ATOH8: variants seen among roughly 807,000 people sequenced by gnomAD.
ATOH8 encodes the protein transcription factor ATOH8.
Under a neutral mutation model 21.2 loss-of-function variants are expected in ATOH8, and 9 were observed. That is an observed-to-expected ratio of 0.42 (90% CI 0.26 to 0.74). The LOEUF (loss-of-function observed/expected upper bound fraction) is 0.74. Among genes scored for constraint, ATOH8 ranks in the 30% least tolerant of loss-of-function variants. The pLI, the probability that ATOH8 is intolerant of heterozygous loss-of-function variation, is 0.24. For missense variants in ATOH8, 524 were observed against 470.9 expected, an observed-to-expected ratio of 1.11 and a Z score of -1.04; for synonymous variants, 253 against 224.0, an observed-to-expected ratio of 1.13 and a Z score of -1.16.
chr2:85,755,007 G>C, intron 1 of ATOH8, 50 bp downstream of exon 1: 1 of 1,523,866 alleles, frequency 6.6e-7, no homozygotes, highest in Non-Finnish European at 8.7e-7. Context: ...ACGACTGCGG[G>C]AATGGGTGGG....
At position 85,786,965 on chromosome 2, in the gene ATOH8, T is replaced by C; in HGVS notation, c.*75T>C. On this transcript the variant is annotated 3_prime_UTR_variant, in exon 3 of 3. Coordinates refer to ENST00000306279, the MANE Select transcript of ATOH8 (RefSeq NM_032827.7). ...AGGCCTGAGGACAAGGTGAGCTCGC[T>C]GAGTCCAGCCTCGTGGTCTTCTCCA... is the stretch of plus-strand genomic sequence containing the variant. 6.2e-7 allele frequency: 1 copy of C among 1,603,764 alleles called. No homozygotes were observed. Among genetic ancestry groups the C allele is most frequent in the Non-Finnish European group, 8.5e-7 (1 of 1,171,362 alleles).
intron 1 of ATOH8, among the ~76,000 whole-genome samples, chr2:85,761,226 G>A (rs1239392417): frequency 6.6e-6 from 1 of 152,216 alleles, no homozygotes; most frequent in Non-Finnish European, 1.5e-5. Flanking sequence ...GTGTCAGTCA[G>A]ATGAGTTTCA....
At chr2:85,783,863 C>G (rs571096532) in intron 2 of ATOH8, among the ~76,000 whole-genome samples, 3 of 152,058 alleles carry the variant, frequency 2.0e-5, no homozygotes, top group Admixed American at 2.0e-4. Context: ...CCCCGCCCCC[C>G]ACACACAGCC....
rs976970064 is a variant in ATOH8 at position 85,759,039 on chromosome 2, C to T, written c.768+4082C>T. Among the ~76,000 whole-genome samples, 37 of 152,202 alleles carry T rather than the reference C, an allele frequency of 2.4e-4. 1 individual carries two copies. Among genetic ancestry groups the T allele is most frequent in the African/African-American group, 8.0e-4 (33 of 41,458 alleles). Reference sequence around the variant, plus strand: ...AGCAATGGAAGACAGTGCGGGGCCCCGGCTTCTGCCGTGGTCCTCTCTACG... The same window carrying T: ...AGCAATGGAAGACAGTGCGGGGCCCTGGCTTCTGCCGTGGTCCTCTCTACG... On this transcript the variant is annotated intron_variant, in intron 1 of 2. Transcript: ENST00000306279.
At chr2:85,770,757 C>T (rs946229319) in intron 2 of ATOH8, among the ~76,000 whole-genome samples, 7 of 152,114 alleles carry the variant, frequency 4.6e-5, no homozygotes, top group Admixed American at 1.3e-4. Context: ...GCTGGGGTGC[C>T]GCTTCCTCCC....
In ATOH8 at chr2:85,771,383, G is replaced by C. The variant is rs376704800; in HGVS notation, c.960+7201G>C. 7.2e-4 allele frequency among the ~76,000 whole-genome samples: 109 copies of C among 152,304 alleles called. 1 individual carries two copies. In the South Asian group the frequency reaches 0.017, roughly 23 times the overall value. ...AAGGATTAAACAAGACCCCATATGA[G>C]AAAGGGCTGGTGTTCCCGGTGAGTG... On this transcript the variant is annotated intron_variant, in intron 2 of 2. Coordinates refer to ENST00000306279, the MANE Select transcript of ATOH8 (RefSeq NM_032827.7).
chr2:85,772,896 G>C (rs1310326093), intron 2 of ATOH8: 19 of 448,164 alleles, frequency 4.2e-5, no homozygotes, highest in Non-Finnish European at 6.7e-5. Flanking sequence ...GAGCCCGAAG[G>C]CCACCTCATT....
In ATOH8 at chr2:85,755,081, G is replaced by A. The variant is rs1194477668; in HGVS notation, c.768+124G>A. 2.3e-6 allele frequency: 3 copies of A among 1,322,790 alleles called. No homozygotes were observed. The African/African-American group carries it at 4.5e-5, about 20-fold the overall frequency. The allele number at this position is 1,322,790 out of a possible 1,614,324, so 81.9% of individuals were successfully genotyped here. ...AAGCTGCCCCGCCCGGTCCGACCCT[G>A]GTGCCCAGACAGGTGTGGGCAGTCC... is the stretch of plus-strand genomic sequence containing the variant. On this transcript the variant is annotated intron_variant, in intron 1 of 2. Transcript: ENST00000306279.
At position 85,787,065 on chromosome 2, in the gene ATOH8, C is replaced by A; in HGVS notation, c.*175C>A. On this transcript the variant is annotated 3_prime_UTR_variant, in exon 3 of 3. Transcript: ENST00000306279. ...ACGCCTGCCTCCCTCTCCCCTCCGC[C>A]CTCACCCAGCCAATCCGAGGCTGCT... The A allele has an allele frequency of 1.3e-6, 1 of 746,328 alleles. No individual in the cohort carries two copies. Among genetic ancestry groups the A allele is most frequent in the Non-Finnish European group, 2.2e-6 (1 of 463,246 alleles). 46.2% of individuals were successfully genotyped at this position (746,328 alleles called of 1,614,324 possible).
chr2:85,755,077 C>T lies in ATOH8; in HGVS notation c.768+120C>T, dbSNP rs1679646636. On this transcript the variant is annotated intron_variant, in intron 1 of 2. Coordinates refer to ENST00000306279, the MANE Select transcript of ATOH8 (RefSeq NM_032827.7). ...GGGCAAGCTGCCCCGCCCGGTCCGA[C>T]CCTGGTGCCCAGACAGGTGTGGGCA... The T allele has an allele frequency of 2.2e-6, 3 of 1,335,764 alleles. 1 individual carries two copies. The African/African-American group carries it at 4.5e-5, about 20-fold the overall frequency. 82.7% of individuals were successfully genotyped at this position (1,335,764 alleles called of 1,614,324 possible).
intron 1 of ATOH8, chr2:85,760,883 T>C (rs1274910820): frequency 6.6e-6 from 1 of 152,270 alleles, no homozygotes; most frequent in Non-Finnish European, 1.5e-5. Flanking sequence ...GTGAAGGCAC[T>C]TCCCAAAGTC....
At chr2:85,763,911 A>G (rs1322646362) in intron 1 of ATOH8, 80 bp from the exon 2 acceptor site, 2 of 1,387,010 alleles carry the variant, frequency 1.4e-6, no homozygotes, top group Non-Finnish European at 2.0e-6. Flanking sequence ...GCTCAGATAT[A>G]CCATAGACAG....
At position 85,789,420 on chromosome 2, in the gene ATOH8, G is replaced by C. The variant is rs1293628198; in HGVS notation, c.*2530G>C. Among the ~76,000 whole-genome samples the C allele has an allele frequency of 6.6e-6, 1 of 152,090 alleles. No homozygotes were observed. Among genetic ancestry groups the C allele is most frequent in the African/African-American group, 2.4e-5 (1 of 41,396 alleles). On this transcript the variant is annotated 3_prime_UTR_variant, in exon 3 of 3. Transcript: ENST00000306279. ...TATAGCAGATGACTAAGGTGTTGTC[G>C]GGAGCTTCAGGAAAGGAAGAACTAA...
rs577619237 is a variant in ATOH8, at chr2:85,789,615, T to C, written c.*2725T>C. On this transcript the variant is annotated 3_prime_UTR_variant, in exon 3 of 3. Coordinates refer to ENST00000306279, the MANE Select transcript of ATOH8 (RefSeq NM_032827.7). ...AATCACCCAAGGAGATTATTAAATATTAAATATTGATATGAAGTATTGATG... is the reference window on the plus strand; with the variant it reads ...AATCACCCAAGGAGATTATTAAATACTAAATATTGATATGAAGTATTGATG... Among the ~76,000 whole-genome samples, 5 of 152,336 alleles carry C rather than the reference T, an allele frequency of 3.3e-5. No individual in the cohort carries two copies. Among genetic ancestry groups the C allele is most frequent in the African/African-American group, 1.2e-4 (5 of 41,582 alleles).
intron 2 of ATOH8, among the ~76,000 whole-genome samples, chr2:85,782,468 T>A (rs1680520480): frequency 6.7e-6 from 1 of 148,396 alleles, no homozygotes; most frequent in African/African-American, 2.5e-5. Context: ...TTTTTTTTTT[T>A]AAACTGGAAA....
In ATOH8 at chr2:85,754,218, G is replaced by A; in HGVS notation, c.29G>A (p.Gly10Glu). 6.2e-7 allele frequency: 1 copy of A among 1,602,508 alleles called. No homozygotes were observed. Among genetic ancestry groups the A allele is most frequent in the Admixed American group, 1.7e-5 (1 of 59,474 alleles). ...AAGCACATCCCGGTCCTCGAGGACGGGCCGTGGAAGACCGTGTGCGTGAAG... is the reference window on the plus strand; with the variant it reads ...AAGCACATCCCGGTCCTCGAGGACGAGCCGTGGAAGACCGTGTGCGTGAAG... Reference protein sequence around the residue: MKHIPVLEDGPWKTVCVKEL... With the variant: MKHIPVLEDEPWKTVCVKEL... Residue 10 changes from glycine to glutamate, a missense_variant, in exon 1 of 3, where the codon GGG becomes GAG. Physicochemically the swap from Gly to Glu is moderately conservative, Grantham distance 98. Transcript: ENST00000306279.
intron 2 of ATOH8, chr2:85,774,952 GCTCCTTC>G: frequency 4.1e-6 from 4 of 982,972 alleles, no homozygotes; most frequent in Non-Finnish European, 4.8e-6. Context: ...CCCAACCCCA[GCTCCTTC>G]CTCAGGGTGT....
rs1015888708 is a variant in ATOH8 at position 85,766,555 on chromosome 2, A to G, written c.960+2373A>G. 6.6e-6 allele frequency among the ~76,000 whole-genome samples: 1 copy of G among 152,074 alleles called. No individual in the cohort carries two copies. Among genetic ancestry groups the G allele is most frequent in the Non-Finnish European group, 1.5e-5 (1 of 67,970 alleles). ...GCCCTGGCTGGCCCTGCGTCTCCCC[A>G]TGGGGGCCGGTGTTCATAATTCCAG... On this transcript the variant is annotated intron_variant, in intron 2 of 2. Transcript: ENST00000306279. This position sits in a 1 kb window ranked among gnomAD's most constrained non-coding sequence, Gnocchi z 4.0.
intron 2 of ATOH8, among the ~76,000 whole-genome samples, chr2:85,776,273 G>A (rs1425581058): frequency 7.9e-5 from 12 of 152,326 alleles, no homozygotes; most frequent in African/African-American, 2.2e-4. Flanking sequence ...GTTGCCTGGC[G>A]GCTTGGGGCC....
Sources: gnomAD v4.1 joint callset for allele counts (sites outside exome capture counted in the v4.1 genomes callset) on GRCh38, gnomAD v4.1.1 for gene constraint, Gnocchi (gnomAD v3.1) non-coding constraint, MANE v1.5 for transcripts, NCBI Gene and HGNC (gene_info 2026-07-23, HGNC 2026-07-21) for gene names.